TMEM63B: variants seen among roughly 807,000 people sequenced by gnomAD.
TMEM63B encodes transmembrane protein 63B.
A neutral mutation model predicts 102.6 loss-of-function variants in TMEM63B; 23 were observed. That is an observed-to-expected ratio of 0.22 (90% CI 0.16 to 0.32). The LOEUF (loss-of-function observed/expected upper bound fraction) is 0.32. TMEM63B is among the 10% of genes least tolerant of loss of function. TMEM63B has a pLI of 1.00. For missense variants in TMEM63B, 628 were observed against 1,095.9 expected (o/e 0.57, Z 6.03); for synonymous variants, 444 against 437.0 (o/e 1.02, Z -0.20).
chr6:44,140,965 T>A, intron 9 of TMEM63B, 63 bp from the exon 10 acceptor site: 1 of 1,464,528 alleles, frequency 6.8e-7, no homozygotes, highest in Admixed American at 1.7e-5. Flanking sequence ...CCCCCACCCC[T>A]CACATCCCCT....
rs1562116705 is a variant in TMEM63B, at chr6:44,135,196, T to TG, written c.239+106dup. The TG allele has an allele frequency of 1.0e-5, 16 of 1,566,070 alleles. No homozygotes were observed. The East Asian group carries it at 3.6e-4, about 36-fold the overall frequency. On this transcript the variant is annotated intron_variant, in intron 3 of 23. Transcript: ENST00000323267. ...CCAGCCCTCTCTCATTCCCCTTTGC[T>TG]GGGGGGATGAGAAGGGACTAGCCCC...
In TMEM63B at chr6:44,148,193, G is replaced by C; in HGVS notation, c.988-59G>C. On this transcript the variant is annotated intron_variant, in intron 12 of 23. Transcript: ENST00000323267. This position sits in a 1 kb window ranked among gnomAD's most constrained non-coding sequence, Gnocchi z 5.1. Reference sequence around the variant, plus strand: ...AGCCCCAAGTCAGCGTGGGCTGGATGCTGCAGGCCCCAGCCTGGCTTTCCA... The same window carrying C: ...AGCCCCAAGTCAGCGTGGGCTGGATCCTGCAGGCCCCAGCCTGGCTTTCCA... 1.2e-6 allele frequency: 2 copies of C among 1,601,136 alleles called. No individual in the cohort carries two copies. The highest frequency in any genetic ancestry group is 1.7e-6 in the Non-Finnish European group (2 of 1,172,422).
Position 44,134,911 on chromosome 6 carries a change from G to T in TMEM63B, c.160-106G>T, listed in dbSNP as rs1400406554. On this transcript the variant is annotated intron_variant, in intron 2 of 23. Coordinates refer to ENST00000323267, the MANE Select transcript of TMEM63B (RefSeq NM_018426.3). ...GCCTTTGACCATTCACCCAAGCCAG[G>T]GTCATCCCCTTCTAAGACAAGATTT... 4 of 1,506,990 alleles carry T rather than the reference G, an allele frequency of 2.7e-6. No individual in the cohort carries two copies. The East Asian group carries it at 9.2e-5, about 35-fold the overall frequency. The allele number at this position is 1,506,990 out of a possible 1,614,324, so 93.4% of individuals were successfully genotyped here.
intron 6 of TMEM63B, chr6:44,138,719 T>A: frequency 5.6e-6 from 2 of 357,036 alleles, no homozygotes; most frequent in Non-Finnish European, 5.3e-6. Flanking sequence ...CATAATCTCC[T>A]CTGTGACCCC....
Position 44,134,867 on chromosome 6 carries a change from A to G in TMEM63B, c.159+124A>G, listed in dbSNP as rs777742764. ...CCAGGCTTAAGCAGGAGGAGTCCCC[A>G]TCATCCAGCCCAAGCCTCGCCTTTG... On this transcript the variant is annotated intron_variant, in intron 2 of 23. Transcript: ENST00000323267. 117 of 1,489,338 alleles carry G rather than the reference A, an allele frequency of 7.9e-5. 1 individual carries two copies. The highest frequency in any genetic ancestry group is 5.2e-4 in the Middle Eastern group (3 of 5,776). 92.3% of individuals were successfully genotyped at this position (1,489,338 alleles called of 1,614,324 possible).
rs987805180 is a variant in TMEM63B at position 44,154,101 on chromosome 6, A to G, written c.2139A>G (p.Thr713=). 28 of 1,613,960 alleles carry G rather than the reference A, an allele frequency of 1.7e-5. No homozygotes were observed. The highest frequency in any genetic ancestry group is 2.3e-5 in the Non-Finnish European group (27 of 1,179,982). ...TGFLAPTSMF[T]FVVLVITIVI... is the part of the protein sequence containing the mutation. ...TCCTAGCTCCCACGTCTATGTTCAC[A>G]TTTGTGGTCCTGGTCATCACCATCG... Residue 713 remains threonine, a synonymous_variant, in exon 22 of 24, where the codon ACA becomes ACG. Coordinates refer to ENST00000323267, the MANE Select transcript of TMEM63B (RefSeq NM_018426.3).
At chr6:44,131,521 C>T (rs1778276760) in intron 1 of TMEM63B, among the ~76,000 whole-genome samples, 1 of 152,004 alleles carries the variant, frequency 6.6e-6, no homozygotes, top group Non-Finnish European at 1.5e-5. Flanking sequence ...GAGATCGAGA[C>T]CATCCTGGCC....
chr6:44,137,568 C>A (rs4714754), intron 5 of TMEM63B, among the ~76,000 whole-genome samples: 2 of 152,270 alleles, frequency 1.3e-5, no homozygotes, highest in Admixed American at 6.5e-5. Flanking sequence ...CCTTTCTACC[C>A]CATCCTGTGT....
chr6:44,133,453 C>T (rs1056137873), intron 1 of TMEM63B, among the ~76,000 whole-genome samples: 2 of 152,158 alleles, frequency 1.3e-5, no homozygotes, highest in African/African-American at 2.4e-5. Flanking sequence ...CTCCACAGCC[C>T]GCCCCCGAGG....
At chr6:44,153,614 C>A in intron 20 of TMEM63B, 62 bp from the exon 21 acceptor site, 1 of 1,565,890 alleles carries the variant, frequency 6.4e-7, no homozygotes. Context: ...CAACCTGTGA[C>A]AGACACACAA....
At chr6:44,151,536 C>T (rs1766616390) in intron 18 of TMEM63B, among the ~76,000 whole-genome samples, 1 of 152,112 alleles carries the variant, frequency 6.6e-6, no homozygotes, top group Admixed American at 6.5e-5. Context: ...CCTTTGGGTT[C>T]TTTGAGGGTC....
intron 9 of TMEM63B, 119 bp from the exon 10 acceptor site, chr6:44,140,909 C>T: frequency 2.4e-6 from 2 of 829,676 alleles, no homozygotes; most frequent in South Asian, 1.4e-5. Context: ...CCCCTCTGCT[C>T]ACCTACTTCT....
At chr6:44,149,789 A>C (rs934855304) in intron 15 of TMEM63B, 70 bp from the exon 16 acceptor site, 2 of 1,232,548 alleles carry the variant, frequency 1.6e-6, no homozygotes, top group African/African-American at 3.0e-5. Flanking sequence ...GCTGGGGAGG[A>C]GGCACATAAG....
chr6:44,153,587 C>T, intron 20 of TMEM63B, 89 bp from the exon 21 acceptor site: 5 of 1,483,566 alleles, frequency 3.4e-6, no homozygotes, highest in Non-Finnish European at 4.5e-6. Context: ...AACCCTTCAG[C>T]ACTCTCAGGA....
chr6:44,132,870 C>T (rs1000893073), intron 1 of TMEM63B, among the ~76,000 whole-genome samples: 3 of 152,298 alleles, frequency 2.0e-5, no homozygotes, highest in Middle Eastern at 3.4e-3. Flanking sequence ...GTTCTAGGAA[C>T]ATCAGAAAAG....
At position 44,149,928 on chromosome 6, in the gene TMEM63B, G is replaced by A; in HGVS notation, c.1483G>A (p.Val495Ile). 6.2e-7 allele frequency: 1 copy of A among 1,613,620 alleles called. No individual in the cohort carries two copies. ...WCFSALLPTI[V>I]YYSAFFEAHW... is the part of the protein sequence containing the mutation. ...CTTCTCGGCCCTCCTTCCCACCATC[G>A]TCTACTACTCAGCCTTCTTTGAAGC... The change falls in exon 16 of 24, where the codon GTC (valine) becomes ATC (isoleucine). Residue 495 changes from valine to isoleucine, a missense_variant. This residue lies in a region of TMEM63B where 61 missense variants were observed against 176.0 expected (regional missense o/e 0.35). Coordinates refer to ENST00000323267, the MANE Select transcript of TMEM63B (RefSeq NM_018426.3).
At chr6:44,140,454 G>C (rs1937232899) in intron 9 of TMEM63B, 94 bp downstream of exon 9, 1 of 1,020,170 alleles carries the variant, frequency 9.8e-7, no homozygotes, top group Non-Finnish European at 1.5e-6. Flanking sequence ...AGAGGTGTCA[G>C]CTAGGTTTGA....
rs1294359738 is a variant in TMEM63B at position 44,136,425 on chromosome 6, G to A, written c.355G>A (p.Asp119Asn). 1 of 1,613,728 alleles carries A rather than the reference G, an allele frequency of 6.2e-7. No individual in the cohort carries two copies. The highest frequency in any genetic ancestry group is 8.5e-7 in the Non-Finnish European group (1 of 1,179,950). ...LTSVSSSVDFDQRDNGFCSWL... is the reference protein window; with the variant it reads ...LTSVSSSVDFNQRDNGFCSWL... ...CTCTGTCTCCAGCTCCGTTGACTTT[G>A]ACCAAAGGGACAATGTGAGTGCCCT... The change falls in exon 5 of 24, where the codon GAC becomes AAC. Residue 119 changes from aspartate to asparagine, a missense_variant. Asp to Asn is a conservative substitution (Grantham distance 23). This residue lies in a region of TMEM63B where 336 missense variants were observed against 580.3 expected (regional missense o/e 0.58). Coordinates refer to ENST00000323267, the MANE Select transcript of TMEM63B (RefSeq NM_018426.3).
chr6:44,127,953 G>C (rs575476892), intron 1 of TMEM63B: 1 of 151,220 alleles, frequency 6.6e-6, no homozygotes, highest in Non-Finnish European at 1.5e-5. Flanking sequence ...TGGGACCCCC[G>C]CCCCCGGCCC....
Sources: allele counts gnomAD v4.1 joint callset (sites outside exome capture counted in the v4.1 genomes callset), GRCh38; gene constraint gnomAD v4.1.1; regional missense constraint gnomAD v4.1.1; non-coding constraint Gnocchi (gnomAD v3.1); transcripts MANE v1.5; gene names NCBI Gene and HGNC (gene_info 2026-07-23, HGNC 2026-07-21).